Variants in PPP6R3 observed in about 807,000 individuals in gnomAD.
PPP6R3 encodes protein phosphatase 6 regulatory subunit 3, also known as serine/threonine-protein phosphatase 6 regulatory subunit 3.
A neutral mutation model predicts 110.7 loss-of-function variants in PPP6R3; 38 were observed. That is an observed-to-expected ratio of 0.34 (90% CI 0.26 to 0.45). The LOEUF (loss-of-function observed/expected upper bound fraction) is 0.45. Among genes scored for constraint, PPP6R3 ranks in the 20% least tolerant of loss-of-function variants. The pLI, the probability that PPP6R3 is intolerant of heterozygous loss-of-function variation, is 1.00. For missense variants in PPP6R3, 870 were observed against 1,062.4 expected (o/e 0.82, Z 2.52); for synonymous variants, 369 against 373.5 (o/e 0.99, Z 0.14).
intron 22 of PPP6R3, among the ~76,000 whole-genome samples, chr11:68,609,048 A>G (rs1400715684): frequency 3.3e-5 from 5 of 152,210 alleles, no homozygotes; most frequent in Non-Finnish European, 5.9e-5. Flanking sequence ...GGACAGAATC[A>G]GCTCTGAGTG....
chr11:68,532,341 C>G (rs2099245614), intron 2 of PPP6R3, among the ~76,000 whole-genome samples: 1 of 152,196 alleles, frequency 6.6e-6, no homozygotes, highest in Non-Finnish European at 1.5e-5. Flanking sequence ...AGGTGGGGAA[C>G]AGCAGACATT....
intron 12 of PPP6R3, among the ~76,000 whole-genome samples, chr11:68,573,124 A>T (rs1424265823): frequency 3.2e-5 from 2 of 62,472 alleles, no homozygotes; most frequent in East Asian, 8.4e-4. Flanking sequence ...TTATATATAT[A>T]TATATATATA....
Position 68,508,040 on chromosome 11 carries a change from TA to T in PPP6R3, c.-157-11448del, listed in dbSNP as rs61408383. Among the ~76,000 whole-genome samples the T allele has an allele frequency of 1.2e-3, 169 of 142,562 alleles. No individual in the cohort carries two copies. In the Middle Eastern group the frequency reaches 0.029, roughly 25 times the overall value. 93.5% of individuals were successfully genotyped at this position (142,562 alleles called of 152,430 possible). A position where few individuals can be genotyped will look rare whatever the true frequency, so the allele number is the denominator to read the frequency against. On this transcript the variant is annotated intron_variant, in intron 1 of 23. Coordinates refer to ENST00000393800, the MANE Select transcript of PPP6R3 (RefSeq NM_001164161.2). ...GGGCAACATAGCAACACCTCATGTG[TA>T]AAAAAAAAAAAATTTATATGAGAGG...
intron 15 of PPP6R3, among the ~76,000 whole-genome samples, chr11:68,584,050 T>C (rs1756904079): frequency 6.6e-6 from 1 of 152,264 alleles, no homozygotes; most frequent in South Asian, 2.1e-4. Context: ...TGTTTGATTT[T>C]AATACTCAGA....
At chr11:68,536,684 A>T (rs972905660) in intron 2 of PPP6R3, among the ~76,000 whole-genome samples, 2 of 152,172 alleles carry the variant, frequency 1.3e-5, no homozygotes, top group Non-Finnish European at 2.9e-5. Context: ...TTTGGAGATA[A>T]TGATAATGGT....
chr11:68,464,542 C>T (rs184894969), intron 1 of PPP6R3, among the ~76,000 whole-genome samples: 19 of 152,272 alleles, frequency 1.2e-4, no homozygotes, highest in Admixed American at 4.6e-4. Context: ...GGGTTCCTTT[C>T]GGTGATCTGT....
At chr11:68,499,039 T>C (rs1297948664) in intron 1 of PPP6R3, among the ~76,000 whole-genome samples, 1 of 152,206 alleles carries the variant, frequency 6.6e-6, no homozygotes, top group Non-Finnish European at 1.5e-5. Context: ...TAATTTACAG[T>C]AGTGAGGTCA....
intron 15 of PPP6R3, among the ~76,000 whole-genome samples, chr11:68,585,748 G>T (rs918241099): frequency 1.3e-5 from 2 of 152,134 alleles, no homozygotes; most frequent in Non-Finnish European, 2.9e-5. Context: ...TTATTGCATG[G>T]AAGTTACTAG....
At position 68,466,905 on chromosome 11, in the gene PPP6R3, G is replaced by A. The variant is rs1000333683; in HGVS notation, c.-158+6078G>A. 5.4e-5 allele frequency among the ~76,000 whole-genome samples: 8 copies of A among 147,226 alleles called. No homozygotes were observed. The East Asian group carries it at 6.1e-4, about 11-fold the overall frequency. ...TGGGATTACAGGCGTGAGCCACCGC[G>A]CCTGGCCATTTTTTGTATTTTTAGT... On this transcript the variant is annotated intron_variant, in intron 1 of 23. Transcript: ENST00000393800.
intron 19 of PPP6R3, among the ~76,000 whole-genome samples, chr11:68,600,129 T>A (rs536078233): frequency 1.3e-5 from 2 of 151,418 alleles, no homozygotes; most frequent in East Asian, 2.0e-4. Context: ...CTCAAAAAAA[T>A]AATAATAAAA....
intron 15 of PPP6R3, among the ~76,000 whole-genome samples, chr11:68,583,336 C>T (rs971675702): frequency 1.3e-5 from 2 of 152,140 alleles, no homozygotes; most frequent in African/African-American, 4.8e-5. Context: ...TGTTCCATCC[C>T]TGATAACAGT....
At position 68,569,830 on chromosome 11, in the gene PPP6R3, T is replaced by C. The variant is rs1296633661; in HGVS notation, c.1211T>C (p.Phe404Ser). The C allele has an allele frequency of 6.2e-7, 1 of 1,612,288 alleles. No individual in the cohort carries two copies. Among genetic ancestry groups the C allele is most frequent in the Admixed American group, 1.7e-5 (1 of 59,940 alleles). The change falls in exon 11 of 24, where the codon TTT becomes TCT. Residue 404 changes from phenylalanine (F) to serine (S), a missense_variant. By Grantham distance (155) the Phe-to-Ser change is radical (BLOSUM62 -2). Transcript: ENST00000393800. ...ICIALILASP[F>S]ENTENATITD... ...ATTGCACTGATTCTTGCAAGTCCTT[T>C]TGAAAACACAGAAAATGCCACAATT...
intron 1 of PPP6R3, among the ~76,000 whole-genome samples, chr11:68,504,393 C>T (rs1387877964): frequency 1.3e-5 from 2 of 150,088 alleles, no homozygotes; most frequent in African/African-American, 2.5e-5. Flanking sequence ...TGACCCTCTA[C>T]TTTTTCACGT....
At chr11:68,584,498 C>CCTTAAAG (rs1286654918) in intron 15 of PPP6R3, among the ~76,000 whole-genome samples, 1 of 152,116 alleles carries the variant, frequency 6.6e-6, no homozygotes, top group Non-Finnish European at 1.5e-5. Context: ...TAATTTTGTA[C>CCTTAAAG]CTGTTGAAAT....
intron 1 of PPP6R3, among the ~76,000 whole-genome samples, chr11:68,485,380 T>C (rs2098940620): frequency 1.3e-5 from 2 of 152,064 alleles, no homozygotes. Context: ...TTTTATTTCC[T>C]TTTCTTATTG....
At chr11:68,578,619 A>G (rs911337020) in intron 14 of PPP6R3, among the ~76,000 whole-genome samples, 1 of 152,216 alleles carries the variant, frequency 6.6e-6, no homozygotes, top group Non-Finnish European at 1.5e-5. Context: ...GCAAGGATAC[A>G]TTCATTTATA....
intron 2 of PPP6R3, among the ~76,000 whole-genome samples, chr11:68,529,516 C>T (rs376678976): frequency 3.2e-4 from 49 of 152,284 alleles, no homozygotes; most frequent in African/African-American, 1.1e-3. Flanking sequence ...CGCGCCCAGC[C>T]GGCATGCATC....
At chr11:68,513,584 G>A (rs1424596365) in intron 1 of PPP6R3, among the ~76,000 whole-genome samples, 1 of 152,154 alleles carries the variant, frequency 6.6e-6, no homozygotes, top group South Asian at 2.1e-4. Flanking sequence ...CAGGTGTTTC[G>A]AAGATCATAG....
At chr11:68,514,124 C>CAT (rs1320711729) in intron 1 of PPP6R3, among the ~76,000 whole-genome samples, 1 of 151,726 alleles carries the variant, frequency 6.6e-6, no homozygotes, top group East Asian at 2.0e-4. Flanking sequence ...AGTGCAGTGG[C>CAT]GTGATCATAT....
Sources: allele counts gnomAD v4.1 joint callset (sites outside exome capture counted in the v4.1 genomes callset), GRCh38; gene constraint gnomAD v4.1.1; transcripts MANE v1.5; gene names NCBI Gene and HGNC (gene_info 2026-07-23, HGNC 2026-07-21).